The following CCDC73 variants were observed in gnomAD, a reference collection of about 807,000 sequenced individuals.
CCDC73 encodes coiled-coil domain containing 73.
CCDC73 carries 95 observed loss-of-function variants against 116.5 expected under a neutral mutation model. The ratio of observed to expected loss-of-function variants is 0.82; its 90% CI spans 0.69 to 0.97. The LOEUF is 0.97. Ranked by LOEUF, CCDC73 falls within the 50% of genes least tolerant of loss-of-function variation. The probability of loss-of-function intolerance (pLI) is 0.00; values close to 1 mark genes in which losing one functional copy is unlikely to be tolerated. For missense variants in CCDC73, 1,066 were observed against 1,206.8 expected (o/e 0.88, Z 1.73); for synonymous variants, 398 against 401.3 (o/e 0.99, Z 0.10).
upstream of CCDC73, among the ~76,000 whole-genome samples, chr11:32,798,915 T>TG (rs35135170): frequency 0.44 from 62,451 of 142,818 alleles, 14,130 homozygotes; most frequent in East Asian, 0.71. Flanking sequence ...TTGTTTGTTT[T>TG]GGGGGGGGGC....
At chr11:32,628,055 C>A (rs1400318451) in intron 14 of CCDC73, among the ~76,000 whole-genome samples, 1 of 152,150 alleles carries the variant, frequency 6.6e-6, no homozygotes, top group Non-Finnish European at 1.5e-5. Flanking sequence ...ATTGTATGAT[C>A]TTTAAAATTT....
intron 13 of CCDC73, among the ~76,000 whole-genome samples, chr11:32,639,398 A>C (rs1855712117): frequency 6.6e-6 from 1 of 152,088 alleles, no homozygotes; most frequent in African/African-American, 2.4e-5. Flanking sequence ...AGTGCCTAGA[A>C]TAGTGTCTAA....
chr11:32,741,867 T>A (rs901340937), intron 2 of CCDC73, among the ~76,000 whole-genome samples: 30 of 152,024 alleles, frequency 2.0e-4, no homozygotes, highest in Non-Finnish European at 8.8e-5. Context: ...GTCCATGTGT[T>A]CTCATTGTTC....
chr11:32,777,551 G>T (rs1850548555), intron 1 of CCDC73, among the ~76,000 whole-genome samples: 1 of 152,122 alleles, frequency 6.6e-6, no homozygotes, highest in Non-Finnish European at 1.5e-5. Context: ...TTTTTAGCTG[G>T]ATTAACAACC....
At chr11:32,683,670 T>A in intron 6 of CCDC73, 96 bp from the exon 7 acceptor site, 1 of 707,678 alleles carries the variant, frequency 1.4e-6, no homozygotes, top group East Asian at 2.5e-5. Flanking sequence ...ATGTGGCATG[T>A]ATCTTCTATG....
At chr11:32,622,592 C>T (rs1855531907) in intron 14 of CCDC73, among the ~76,000 whole-genome samples, 1 of 150,148 alleles carries the variant, frequency 6.7e-6, no homozygotes, top group Admixed American at 6.7e-5. Flanking sequence ...TTGATAGGTG[C>T]AGCAAACCAC....
chr11:32,753,222 T>C (rs1171139928), intron 2 of CCDC73, among the ~76,000 whole-genome samples: 1 of 152,152 alleles, frequency 6.6e-6, no homozygotes, highest in Non-Finnish European at 1.5e-5. Flanking sequence ...TGCCCAAGAA[T>C]ATAAGAATTG....
At chr11:32,665,167 A>C (rs1294122520) in intron 9 of CCDC73, among the ~76,000 whole-genome samples, 6 of 152,142 alleles carry the variant, frequency 3.9e-5, no homozygotes, top group African/African-American at 1.2e-4. Flanking sequence ...GTAGATGTCT[A>C]TTAGGTCCGC....
chr11:32,796,228 C>T (rs117785403), upstream of CCDC73, among the ~76,000 whole-genome samples: 619 of 152,260 alleles, frequency 4.1e-3, 3 homozygotes, highest in South Asian at 0.028. Flanking sequence ...ACACAAGCTT[C>T]GTGAAAACAG....
At chr11:32,780,321 T>A (rs183119970) in intron 1 of CCDC73, among the ~76,000 whole-genome samples, 35 of 151,678 alleles carry the variant, frequency 2.3e-4, no homozygotes, top group African/African-American at 8.2e-4. Context: ...TATTTACCTA[T>A]AAAATTAGCC....
At position 32,605,853 on chromosome 11, in the gene CCDC73, C is replaced by T. The variant is rs372339048; in HGVS notation, c.3031-2833G>A. On this transcript the variant is annotated intron_variant, in intron 17 of 17. Coordinates refer to ENST00000335185, the MANE Select transcript of CCDC73 (RefSeq NM_001008391.4). The stretch of plus-strand genomic sequence containing the variant: ...CCTTGTATCTTCGTTCTTTCGTCTC[C>T]TATCCTTTTTAGAAATTTATCACCT... 31 of 152,290 alleles carry T rather than the reference C, an allele frequency of 2.0e-4. 1 individual carries two copies. Among genetic ancestry groups the T allele is most frequent in the African/African-American group, 6.7e-4 (28 of 41,572 alleles). 9.4% of individuals were successfully genotyped at this position (152,290 alleles called of 1,614,324 possible). A position where few individuals can be genotyped will look rare whatever the true frequency, so the allele number is the denominator to read the frequency against.
At chr11:32,728,211 A>G (rs780672158) in intron 2 of CCDC73, among the ~76,000 whole-genome samples, 11 of 152,266 alleles carry the variant, frequency 7.2e-5, no homozygotes, top group Non-Finnish European at 1.3e-4. Context: ...TGGTTGCACC[A>G]TTGCACTCCA....
chr11:32,642,148 GT>G, intron 12 of CCDC73, 66 bp from the exon 13 acceptor site: 1 of 1,396,374 alleles, frequency 7.2e-7, no homozygotes, highest in Non-Finnish European at 9.4e-7. Context: ...TGTGTTTTAT[GT>G]TGCTTGGACC....
chr11:32,632,602 TTGTG>T (rs148734503), intron 14 of CCDC73, among the ~76,000 whole-genome samples: 3 of 150,278 alleles, frequency 2.0e-5, no homozygotes, highest in Non-Finnish European at 4.5e-5. Context: ...TCCTTACAGA[TTGTG>T]TGTGTGTGTG....
At chr11:32,672,567 T>C (rs917369621) in intron 9 of CCDC73, among the ~76,000 whole-genome samples, 23 of 152,160 alleles carry the variant, frequency 1.5e-4, no homozygotes, top group African/African-American at 5.3e-4. Context: ...GAGACATCAA[T>C]GAAAATGTGT....
chr11:32,622,678 A>G (rs1331028847), intron 14 of CCDC73, among the ~76,000 whole-genome samples: 2 of 151,402 alleles, frequency 1.3e-5, no homozygotes, highest in Non-Finnish European at 2.9e-5. Flanking sequence ...AAATTGAAAA[A>G]AAAAAAAAAG....
chr11:32,666,526 T>A (rs1855983351), intron 9 of CCDC73, among the ~76,000 whole-genome samples: 1 of 152,242 alleles, frequency 6.6e-6, no homozygotes, highest in African/African-American at 2.4e-5. Flanking sequence ...ATTTAAGGAC[T>A]TTTCTAAACT....
chr11:32,653,091 G>T, intron 12 of CCDC73, 32 bp downstream of exon 12: 2 of 1,263,898 alleles, frequency 1.6e-6, no homozygotes, highest in Non-Finnish European at 1.2e-6. Flanking sequence ...AACACAGATA[G>T]ATAGACAGAC....
chr11:32,755,935 A>ATC (rs1565094431), intron 2 of CCDC73, among the ~76,000 whole-genome samples: 8 of 14,832 alleles, frequency 5.4e-4, no homozygotes, highest in African/African-American at 1.2e-3. Flanking sequence ...ATCTATATAT[A>ATC]TATCTCCATA....
Sources: gnomAD v4.1 joint callset for allele counts (sites outside exome capture counted in the v4.1 genomes callset) on GRCh38, gnomAD v4.1.1 for gene constraint, MANE v1.5 for transcripts, NCBI Gene and HGNC (gene_info 2026-07-23, HGNC 2026-07-21) for gene names.